The following KIAA0586 variants were observed in gnomAD, a reference collection of about 807,000 sequenced individuals.
KIAA0586 encodes protein TALPID3.
Under a neutral mutation model 169.8 loss-of-function variants are expected in KIAA0586, and 144 were observed. The ratio of observed to expected loss-of-function variants is 0.85; its 90% CI spans 0.74 to 0.97. The LOEUF (loss-of-function observed/expected upper bound fraction) is 0.97, where lower values mean the gene tolerates loss of function less well. Ranked by LOEUF, KIAA0586 falls within the 50% of genes least tolerant of loss-of-function variation. KIAA0586 has a pLI of 0.00. For synonymous variants in KIAA0586, 625 were observed against 612.4 expected (o/e 1.02, Z -0.30); for missense variants, 1,854 against 1,823.0 (o/e 1.02, Z -0.31).
At chr14:58,511,670 A>G (rs1035890869) in intron 28 of KIAA0586, among the ~76,000 whole-genome samples, 1 of 152,164 alleles carries the variant, frequency 6.6e-6, no homozygotes, top group Admixed American at 6.5e-5. Flanking sequence ...TAAACTTGGA[A>G]GACCAGAGTT....
chr14:58,446,840 A>C (rs1194830163), intron 6 of KIAA0586, among the ~76,000 whole-genome samples: 1 of 152,150 alleles, frequency 6.6e-6, no homozygotes, highest in Non-Finnish European at 1.5e-5. Flanking sequence ...ACCAGGAATG[A>C]GTCTATAAAC....
At chr14:58,497,770 T>C (rs1451945297) in intron 26 of KIAA0586, among the ~76,000 whole-genome samples, 3 of 152,194 alleles carry the variant, frequency 2.0e-5, no homozygotes, top group East Asian at 1.9e-4. Flanking sequence ...TAACAAACTT[T>C]AGGCAATTTT....
At chr14:58,439,190 T>C (rs888050846) in intron 4 of KIAA0586, among the ~76,000 whole-genome samples, 1 of 152,154 alleles carries the variant, frequency 6.6e-6, no homozygotes, top group African/African-American at 2.4e-5. Flanking sequence ...TTGCTTTTTT[T>C]CTTTCTTTTT....
intron 24 of KIAA0586, among the ~76,000 whole-genome samples, chr14:58,489,911 AACT>A (rs1391715121): frequency 5.9e-5 from 9 of 152,154 alleles, no homozygotes; most frequent in Non-Finnish European, 1.3e-4. Context: ...TCAATTTCAT[AACT>A]ACAATTGATA....
rs781388478 is a variant in KIAA0586, at chr14:58,430,698, A to G, written c.321A>G (p.Glu107=). 3.8e-6 allele frequency: 6 copies of G among 1,597,174 alleles called. No homozygotes were observed. Among genetic ancestry groups the G allele is most frequent in the Non-Finnish European group, 5.1e-6 (6 of 1,167,926 alleles). The part of the protein sequence containing the change: ...AVQVLPLDKI[E]ENNKQKANDI... Reference sequence around the variant, plus strand: ...AAGTGTTGCCTTTGGATAAAATAGAAGAGAACAACAAGCAAAAAGGTAAAA... The same window carrying G: ...AAGTGTTGCCTTTGGATAAAATAGAGGAGAACAACAAGCAAAAAGGTAAAA... The change falls in exon 3 of 31, where the codon GAA becomes GAG. Residue 107 remains glutamate (E), a synonymous_variant. Coordinates refer to ENST00000652326, the MANE Select transcript of KIAA0586 (RefSeq NM_001329943.3).
chr14:58,519,638 T>C (rs551732670), intron 29 of KIAA0586, among the ~76,000 whole-genome samples: 1 of 152,326 alleles, frequency 6.6e-6, no homozygotes, highest in East Asian at 1.9e-4. Context: ...ATCATCTCTA[T>C]ATTTCCAGGA....
At chr14:58,475,856 T>C (rs1246750453) in intron 19 of KIAA0586, among the ~76,000 whole-genome samples, 1 of 152,130 alleles carries the variant, frequency 6.6e-6, no homozygotes, top group Non-Finnish European at 1.5e-5. Flanking sequence ...TCCCAGCACT[T>C]TGAGAGGCCA....
chr14:58,521,336 A>G (rs1595472761), intron 29 of KIAA0586: 1 of 1,049,780 alleles, frequency 9.5e-7, no homozygotes, highest in Non-Finnish European at 1.5e-6. Flanking sequence ...CAGTCTTTTC[A>G]AAGTATTGCA....
chr14:58,555,038 G>A (rs527528270), downstream of KIAA0586, among the ~76,000 whole-genome samples: 3 of 151,884 alleles, frequency 2.0e-5, no homozygotes, highest in African/African-American at 7.2e-5. Flanking sequence ...CCTGTATTGG[G>A]AACACAAAGT....
chr14:58,534,343 A>G (rs2046157713), intron 29 of KIAA0586, among the ~76,000 whole-genome samples: 3 of 152,228 alleles, frequency 2.0e-5, no homozygotes, highest in African/African-American at 7.2e-5. Context: ...TATGGGTGTT[A>G]TTATTGACAA....
intron 8 of KIAA0586, among the ~76,000 whole-genome samples, chr14:58,453,075 A>G (rs1239715274): frequency 1.3e-5 from 2 of 151,390 alleles, no homozygotes; most frequent in Non-Finnish European, 2.9e-5. Flanking sequence ...GCACCACCAT[A>G]CCCAGCTAAT....
intron 4 of KIAA0586, among the ~76,000 whole-genome samples, chr14:58,434,894 C>G (rs1162522263): frequency 6.6e-6 from 1 of 151,464 alleles, no homozygotes; most frequent in African/African-American, 2.4e-5. Context: ...CCTGAGGTCC[C>G]CCTAACCGCC....
At chr14:58,528,490 T>C (rs2045743016) in intron 29 of KIAA0586, among the ~76,000 whole-genome samples, 1 of 152,104 alleles carries the variant, frequency 6.6e-6, no homozygotes, top group Non-Finnish European at 1.5e-5. Context: ...AGAACAGAAA[T>C]CATAATAAAC....
chr14:58,450,624 C>G lies in KIAA0586; in HGVS notation c.1007C>G (p.Ser336Cys), dbSNP rs781781110. ...VEDTSFDKQK[S>C]PLETPAPRRF... Reference sequence around the variant, plus strand: ...GATACGAGTTTTGATAAACAGAAATCTCCTTTGGAGACACCAGCACCTCGC... The same window carrying G: ...GATACGAGTTTTGATAAACAGAAATGTCCTTTGGAGACACCAGCACCTCGC... The change falls in exon 8 of 31, where the codon TCT becomes TGT. Residue 336 changes from serine to cysteine, a missense_variant. Coordinates refer to ENST00000652326, the MANE Select transcript of KIAA0586 (RefSeq NM_001329943.3). The G allele has an allele frequency of 6.2e-6, 10 of 1,611,450 alleles. No individual in the cohort carries two copies. The East Asian group carries it at 2.2e-4, about 36-fold the overall frequency.
At chr14:58,545,779 G>A (rs2046940544) in intron 30 of KIAA0586, among the ~76,000 whole-genome samples, 1 of 152,168 alleles carries the variant, frequency 6.6e-6, no homozygotes, top group Non-Finnish European at 1.5e-5. Context: ...ACTTTGGGAG[G>A]CTGAAGAAGG....
chr14:58,492,949 G>A (rs2042925712), intron 26 of KIAA0586, among the ~76,000 whole-genome samples: 1 of 152,214 alleles, frequency 6.6e-6, no homozygotes, highest in Non-Finnish European at 1.5e-5. Context: ...GAAGGAGATT[G>A]AACCAGATGA....
chr14:58,450,464 T>C (rs2039272585), intron 7 of KIAA0586, 115 bp from the exon 8 acceptor site: 2 of 635,778 alleles, frequency 3.1e-6, no homozygotes, highest in South Asian at 4.1e-5. Flanking sequence ...ACTTAATAAT[T>C]TGTTCATCAT....
rs146413594 is a variant in KIAA0586, at chr14:58,512,954, G to T, written c.4429+327G>T. ...CTGTTTGACATTACAATATGTTAAA[G>T]ACAGGGATTATGGCTGTATTTAATA... On this transcript the variant is annotated intron_variant, in intron 29 of 30. Transcript: ENST00000652326. 4.6e-4 allele frequency among the ~76,000 whole-genome samples: 70 copies of T among 152,152 alleles called. No homozygotes were observed. The East Asian group carries it at 0.011, about 23-fold the overall frequency.
chr14:58,469,862 C>T (rs543603610), intron 16 of KIAA0586, among the ~76,000 whole-genome samples: 4 of 152,204 alleles, frequency 2.6e-5, no homozygotes, highest in Admixed American at 2.0e-4. Flanking sequence ...CATTTAAAAA[C>T]TATTATTGCT....
Sources: allele counts gnomAD v4.1 joint callset (sites outside exome capture counted in the v4.1 genomes callset), GRCh38; gene constraint gnomAD v4.1.1; transcripts MANE v1.5; gene names NCBI Gene and HGNC (gene_info 2026-07-23, HGNC 2026-07-21).